The following ARMC9 variants were observed in gnomAD, a reference collection of about 807,000 sequenced individuals.
ARMC9 encodes lisH domain-containing protein ARMC9.
A neutral mutation model predicts 107.0 loss-of-function variants in ARMC9; 94 were observed. The observed-to-expected ratio is 0.88, with a 90% CI of 0.74 to 1.04. ARMC9 has a LOEUF of 1.04. Among genes scored for constraint, ARMC9 ranks in the 50% least tolerant of loss-of-function variants. ARMC9 has a pLI of 0.00. For synonymous variants in ARMC9, 380 were observed against 396.9 expected (o/e 0.96, Z 0.51); for missense variants, 942 against 1,030.1 (o/e 0.91, Z 1.17).
At chr2:231,250,444 A>G (rs911925353) in intron 9 of ARMC9, among the ~76,000 whole-genome samples, 6 of 152,226 alleles carry the variant, frequency 3.9e-5, no homozygotes, top group African/African-American at 9.7e-5. Flanking sequence ...AACCACTCCC[A>G]GCTGAGAAGC....
At position 231,271,010 on chromosome 2, in the gene ARMC9, C is replaced by T. The variant is rs527487315; in HGVS notation, c.1148C>T (p.Thr383Met). The T allele has an allele frequency of 1.5e-4, 247 of 1,614,160 alleles. 3 individuals carry two copies. The South Asian group carries it at 2.3e-3, about 15-fold the overall frequency. ...AGTGTGCTTCAGTTGCTGCACTCCA[C>T]GAGCGACGTGGTGCGGCAGTACATG... is the stretch of plus-strand genomic sequence containing the variant. ...QRSVLQLLHS[T>M]SDVVRQYMAR... The change falls in exon 13 of 25, where the codon ACG becomes ATG. Residue 383 changes from threonine to methionine, a missense_variant. Physicochemically the swap from Thr to Met is moderately conservative, Grantham distance 81 (BLOSUM62 -1). Transcript: ENST00000611582.
At chr2:231,351,113 A>T (rs1235321907) in intron 21 of ARMC9, among the ~76,000 whole-genome samples, 8 of 142,610 alleles carry the variant, frequency 5.6e-5, no homozygotes, top group Non-Finnish European at 1.2e-4. Context: ...GCCTACCACC[A>T]CGCCCGGCTA....
chr2:231,228,424 G>A (rs983979443), intron 7 of ARMC9, among the ~76,000 whole-genome samples: 21 of 152,312 alleles, frequency 1.4e-4, no homozygotes, highest in Middle Eastern at 3.4e-3. Context: ...GTCGGTGCTG[G>A]CTGTCACGTG....
intron 20 of ARMC9, among the ~76,000 whole-genome samples, chr2:231,335,694 A>C (rs1294820875): frequency 5.3e-5 from 8 of 152,314 alleles, no homozygotes; most frequent in African/African-American, 1.4e-4. Context: ...TGTGAACGTC[A>C]GAGTTCAAGA....
At position 231,274,517 on chromosome 2, in the gene ARMC9, C is replaced by T. The variant is rs115728210; in HGVS notation, c.1334+1439C>T. Among the ~76,000 whole-genome samples, 529 of 152,274 alleles carry T rather than the reference C, an allele frequency of 3.5e-3. 4 individuals carry two copies. The highest frequency in any genetic ancestry group is 0.012 in the African/African-American group (493 of 41,560). On this transcript the variant is annotated intron_variant, in intron 14 of 24. Coordinates refer to ENST00000611582, the MANE Select transcript of ARMC9 (RefSeq NM_001352754.2). ...CCATGAATGCTTCAGCACAAGTCTT[C>T]GTGTGGACATATGTTTCTTTTTCTC... is the stretch of plus-strand genomic sequence containing the variant.
rs1575182727 is a variant in ARMC9 at position 231,360,719 on chromosome 2, C to T, written c.2132-35C>T. 1 of 1,536,140 alleles carries T rather than the reference C, an allele frequency of 6.5e-7. No individual in the cohort carries two copies. Among genetic ancestry groups the T allele is most frequent in the Admixed American group, 2.0e-5 (1 of 51,002 alleles). On this transcript the variant is annotated intron_variant, in intron 22 of 24. Transcript: ENST00000611582. The surrounding 1 kb of genome is among the most constrained non-coding windows in gnomAD (Gnocchi z 4.7). ...GGGCATCCTTAGAGGGGCTCCAGAG[C>T]AGATGTGGACTGAACTTTCTCTCCT... is the stretch of plus-strand genomic sequence containing the variant.
chr2:231,273,062 C>A lies in ARMC9; in HGVS notation c.1318C>A (p.Gln440Lys), dbSNP rs1015178336. ...CAGGGAGAATGTTCTTGGGGCCCTG[C>A]AGAAGTTCAGTCTCAGGTAACGACT... Reference protein sequence around the residue: ...ITRENVLGALQKFSLRRPLQT... With the variant: ...ITRENVLGALKKFSLRRPLQT... The change falls in exon 14 of 25, where the codon CAG (glutamine) becomes AAG (lysine). Residue 440 changes from glutamine (Q) to lysine (K), a missense_variant. Physicochemically the swap from Gln to Lys is moderately conservative, Grantham distance 53. Coordinates refer to ENST00000611582, the MANE Select transcript of ARMC9 (RefSeq NM_001352754.2). The A allele has an allele frequency of 1.2e-6, 2 of 1,613,458 alleles. No individual in the cohort carries two copies. Among genetic ancestry groups the A allele is most frequent in the East Asian group, 2.2e-5 (1 of 44,870 alleles).
intron 20 of ARMC9, among the ~76,000 whole-genome samples, chr2:231,342,818 C>T (rs943749277): frequency 6.6e-6 from 1 of 152,134 alleles, no homozygotes; most frequent in Non-Finnish European, 1.5e-5. Flanking sequence ...CATTCCATTT[C>T]CCCCAAGAAG....
intron 16 of ARMC9, among the ~76,000 whole-genome samples, chr2:231,280,473 T>G (rs558666398): frequency 1.3e-4 from 19 of 151,530 alleles, no homozygotes; most frequent in African/African-American, 4.4e-4. Flanking sequence ...AATAAATAAA[T>G]AAAGTAAGAA....
chr2:231,369,972 A>G lies in ARMC9; in HGVS notation c.2281A>G (p.Thr761Ala). The G allele has an allele frequency of 4.6e-6, 7 of 1,523,256 alleles. No homozygotes were observed. Among genetic ancestry groups the G allele is most frequent in the Non-Finnish European group, 5.3e-6 (6 of 1,139,430 alleles). The allele number at this position is 1,523,256 out of a possible 1,614,324, so 94.4% of individuals were successfully genotyped here. Residue 761 changes from threonine to alanine, a missense_variant, in exon 24 of 25, where the codon ACC becomes GCC. Thr to Ala is a moderately conservative substitution (Grantham distance 58). Transcript: ENST00000611582. ...VTTRECASAF[T>A]CKPRAPCTPE... Reference sequence around the variant, plus strand: ...TTCTAGGGAATGTGCATCAGCCTTCACCTGCAAGCCCCGGGCCCCCTGCAC... The same window carrying G: ...TTCTAGGGAATGTGCATCAGCCTTCGCCTGCAAGCCCCGGGCCCCCTGCAC...
At chr2:231,292,461 T>C (rs990302611) in intron 18 of ARMC9, among the ~76,000 whole-genome samples, 6 of 152,206 alleles carry the variant, frequency 3.9e-5, no homozygotes, top group Non-Finnish European at 7.3e-5. Flanking sequence ...GCAGAAAAAC[T>C]GATGTTGCCA....
At chr2:231,218,506 T>G (rs954252933) in intron 5 of ARMC9, among the ~76,000 whole-genome samples, 1 of 152,152 alleles carries the variant, frequency 6.6e-6, no homozygotes, top group Non-Finnish European at 1.5e-5. Flanking sequence ...AGATAAAGCT[T>G]GGATCCAGGT....
chr2:231,354,938 T>C (rs925459060), intron 21 of ARMC9, among the ~76,000 whole-genome samples: 1 of 152,214 alleles, frequency 6.6e-6, no homozygotes, highest in Non-Finnish European at 1.5e-5. Flanking sequence ...GCAATGAAGC[T>C]CTCAGCACTT....
chr2:231,247,060 A>T (rs2036838813), intron 9 of ARMC9, among the ~76,000 whole-genome samples: 1 of 151,126 alleles, frequency 6.6e-6, no homozygotes, highest in Non-Finnish European at 1.5e-5. Flanking sequence ...GGTTCATGCC[A>T]TTCTCCTGCC....
intron 19 of ARMC9, among the ~76,000 whole-genome samples, chr2:231,320,119 AGC>A (rs10547765): frequency 0.29 from 44,040 of 151,972 alleles, 6,765 homozygotes; most frequent in Non-Finnish European, 0.33. Context: ...TCACCCACTT[AGC>A]TGCTGTATGT....
chr2:231,270,998 T>A lies in ARMC9; in HGVS notation c.1136T>A (p.Leu379Ter). ...TTCCCCCAGAGGAGTGTGCTTCAGT[T>A]GCTGCACTCCACGAGCGACGTGGTG... ...YSHNQRSVLQ[L>*]LHSTSDVVRQ... Residue 379 changes from leucine to a stop codon, truncating the protein, a stop_gained, in exon 13 of 25, where the codon TTG becomes TAG. Transcript: ENST00000611582. LOFTEE classifies it high-confidence loss of function. The A allele has an allele frequency of 6.2e-7, 1 of 1,614,184 alleles. No individual in the cohort carries two copies. Among genetic ancestry groups the A allele is most frequent in the African/African-American group, 1.3e-5 (1 of 75,054 alleles).
intron 17 of ARMC9, among the ~76,000 whole-genome samples, chr2:231,288,023 C>T (rs2040725730): frequency 6.6e-6 from 1 of 152,144 alleles, no homozygotes; most frequent in Admixed American, 6.5e-5. Flanking sequence ...TGGCTAGTGA[C>T]AACTGAAGCT....
In ARMC9 at chr2:231,372,369, C is replaced by CA. The variant is rs375577359; in HGVS notation, c.*844dup. ...GGGTGACAGAGCGAGACTCCGTCCC[C>CA]AAAAAAAAAATTCTGAGAATATGGT... On this transcript the variant is annotated 3_prime_UTR_variant, in exon 25 of 25. Coordinates refer to ENST00000611582, the MANE Select transcript of ARMC9 (RefSeq NM_001352754.2). The CA allele has an allele frequency of 7.3e-5, 11 of 149,978 alleles. No individual in the cohort carries two copies. Among genetic ancestry groups the CA allele is most frequent in the Non-Finnish European group, 8.9e-5 (6 of 67,234 alleles). The allele number at this position is 149,978 out of a possible 1,614,324, so 9.3% of individuals were successfully genotyped here. A position where few individuals can be genotyped will look rare whatever the true frequency, so the allele number is the denominator to read the frequency against.
Position 231,271,055 on chromosome 2 carries a change from T to C in ARMC9, c.1193T>C (p.Phe398Ser). 6.2e-7 allele frequency: 1 copy of C among 1,614,160 alleles called. No homozygotes were observed. The highest frequency in any genetic ancestry group is 8.5e-7 in the Non-Finnish European group (1 of 1,180,030). The change falls in exon 13 of 25, where the codon TTT becomes TCT. Residue 398 changes from phenylalanine (F) to serine (S), a missense_variant. Phe to Ser is a radical substitution (Grantham distance 155). Coordinates refer to ENST00000611582, the MANE Select transcript of ARMC9 (RefSeq NM_001352754.2). Reference protein sequence around the residue: ...RQYMARLINAFASLAEGRLYL... With the variant: ...RQYMARLINASASLAEGRLYL... Reference sequence around the variant, plus strand: ...TACATGGCCAGGCTCATCAATGCTTTTGCGTCACTGGCAGAAGGTGAGACA... The same window carrying C: ...TACATGGCCAGGCTCATCAATGCTTCTGCGTCACTGGCAGAAGGTGAGACA...
Sources: gnomAD v4.1 joint callset for allele counts (sites outside exome capture counted in the v4.1 genomes callset) on GRCh38, gnomAD v4.1.1 for gene constraint, Gnocchi (gnomAD v3.1) non-coding constraint, MANE v1.5 for transcripts, NCBI Gene and HGNC (gene_info 2026-07-23, HGNC 2026-07-21) for gene names.